Variants in RGS6 observed in about 807,000 individuals in gnomAD.
RGS6 encodes the protein regulator of G-protein signaling 6.
RGS6 carries 30 observed loss-of-function variants against 78.5 expected under a neutral mutation model. The observed-to-expected ratio is 0.38, with a 90% CI of 0.29 to 0.52. The LOEUF (loss-of-function observed/expected upper bound fraction) is 0.52, where lower values mean the gene tolerates loss of function less well. RGS6 is among the 20% of genes least tolerant of loss of function. The probability of loss-of-function intolerance (pLI) is 0.85; values close to 1 mark genes in which losing one functional copy is unlikely to be tolerated. For synonymous variants in RGS6, 206 were observed against 206.0 expected, an observed-to-expected ratio of 1.00 and a Z score of 0.00; for missense variants, 495 against 609.7, an observed-to-expected ratio of 0.81 and a Z score of 1.98.
At chr14:72,477,827 C>A (rs898991650) in intron 11 of RGS6, among the ~76,000 whole-genome samples, 95 of 150,360 alleles carry the variant, frequency 6.3e-4, no homozygotes, top group African/African-American at 1.2e-3. Context: ...GAAAAAAAAA[C>A]CACACAGAAA....
Position 72,162,658 on chromosome 14 carries a change from G to A in RGS6, c.85-189437G>A, listed in dbSNP as rs149500442. On this transcript the variant is annotated intron_variant, in intron 2 of 17. Transcript: ENST00000553525. ...CATAACTACTGGGTATCTACCGAGA[G>A]GAAAAGAAGTCATTATACGAAAAAG... Among the ~76,000 whole-genome samples the A allele has an allele frequency of 6.6e-3, 1,008 of 152,154 alleles. 32 individuals are homozygous for A. Among genetic ancestry groups the A allele is most frequent in the Admixed American group, 0.059 (898 of 15,268 alleles).
chr14:71,926,394 G>A, the RGS6 span, among the ~76,000 whole-genome samples: 5 of 152,242 alleles, frequency 3.3e-5, no homozygotes, highest in Admixed American at 2.6e-4. Flanking sequence ...GACCAGCCTG[G>A]CCAACATGGC....
At chr14:72,575,495 A>G in the RGS6 span, among the ~76,000 whole-genome samples, 1 of 152,186 alleles carries the variant, frequency 6.6e-6, no homozygotes, top group Non-Finnish European at 1.5e-5. Flanking sequence ...GCTCTTGGAC[A>G]GAGTTCATAG....
intron 2 of RGS6, among the ~76,000 whole-genome samples, chr14:72,321,355 T>C (rs1473853439): frequency 1.3e-5 from 2 of 151,890 alleles, no homozygotes; most frequent in Non-Finnish European, 2.9e-5. Context: ...AGACCAAACC[T>C]GTTTCTCATA....
intron 3 of RGS6, among the ~76,000 whole-genome samples, chr14:72,428,633 C>A (rs1283581526): frequency 6.6e-6 from 1 of 152,182 alleles, no homozygotes; most frequent in African/African-American, 2.4e-5. Context: ...CTTGTGATGG[C>A]TCCTGTAGCC....
chr14:72,457,591 C>T (rs1733637948), intron 4 of RGS6, among the ~76,000 whole-genome samples: 1 of 152,052 alleles, frequency 6.6e-6, no homozygotes, highest in Non-Finnish European at 1.5e-5. Flanking sequence ...CCTATATTCT[C>T]AACTTTCTAT....
intron 2 of RGS6, among the ~76,000 whole-genome samples, chr14:72,124,672 G>C (rs1372693626): frequency 6.6e-6 from 1 of 152,150 alleles, no homozygotes; most frequent in Non-Finnish European, 1.5e-5. Flanking sequence ...CATTATTATA[G>C]CTATAGAAAT....
intron 12 of RGS6, among the ~76,000 whole-genome samples, chr14:72,484,181 G>A (rs2096442636): frequency 6.6e-6 from 1 of 152,122 alleles, no homozygotes; most frequent in Non-Finnish European, 1.5e-5. Context: ...CCAATTCCAG[G>A]TCTTCTCATG....
intron 2 of RGS6, among the ~76,000 whole-genome samples, chr14:72,329,870 C>A (rs1332899692): frequency 6.6e-6 from 1 of 152,172 alleles, no homozygotes; most frequent in Admixed American, 6.5e-5. Context: ...CGGGAGACAT[C>A]ACAGGGCAGC....
chr14:72,465,045 G>C (rs3819547), intron 6 of RGS6, among the ~76,000 whole-genome samples: 13,235 of 152,244 alleles, frequency 0.087, 618 homozygotes, highest in Middle Eastern at 0.13. Context: ...AGATTAGTAA[G>C]AGGTTGCCAG....
intron 2 of RGS6, among the ~76,000 whole-genome samples, chr14:71,993,619 T>C (rs995053422): frequency 6.6e-6 from 1 of 152,174 alleles, no homozygotes; most frequent in Non-Finnish European, 1.5e-5. Context: ...TAGTGGAGTT[T>C]GACCTTGACC....
chr14:72,571,100 G>A (rs2097719731), downstream of RGS6, among the ~76,000 whole-genome samples: 1 of 152,160 alleles, frequency 6.6e-6, no homozygotes, highest in Non-Finnish European at 1.5e-5. Flanking sequence ...CTTTTCCTAT[G>A]TAAACTGAAT....
At chr14:71,914,077 G>A in the RGS6 span, among the ~76,000 whole-genome samples, 661 of 152,290 alleles carry the variant, frequency 4.3e-3, 8 homozygotes, top group African/African-American at 0.015. Flanking sequence ...GTTAGGGCAG[G>A]CTTTGGGCAT....
At chr14:72,209,114 G>A (rs189149316) in intron 2 of RGS6, among the ~76,000 whole-genome samples, 60 of 152,218 alleles carry the variant, frequency 3.9e-4, no homozygotes, top group African/African-American at 1.3e-3. Context: ...GGTGGCACAC[G>A]ACTGTGGTCC....
chr14:71,871,715 A>G, the RGS6 span, among the ~76,000 whole-genome samples: 7 of 152,192 alleles, frequency 4.6e-5, no homozygotes, highest in African/African-American at 1.7e-4. Context: ...TCAGGTTCAG[A>G]CTATCCCTCT....
intron 3 of RGS6, among the ~76,000 whole-genome samples, chr14:72,408,764 G>A (rs1166474823): frequency 6.6e-5 from 10 of 152,092 alleles, no homozygotes; most frequent in South Asian, 6.2e-4. Flanking sequence ...TTACATAATC[G>A]GTGCATTTCT....
chr14:71,963,744 TTTTA>T (rs1209859963), intron 1 of RGS6, among the ~76,000 whole-genome samples: 1 of 152,240 alleles, frequency 6.6e-6, no homozygotes, highest in African/African-American at 2.4e-5. Flanking sequence ...GATATACACG[TTTTA>T]TTTATCCATT....
the RGS6 span, among the ~76,000 whole-genome samples, chr14:71,899,854 A>T: frequency 6.6e-6 from 1 of 152,018 alleles, no homozygotes; most frequent in African/African-American, 2.4e-5. Context: ...TTTAAGTTTA[A>T]CAGTTGTATT....
chr14:72,313,435 C>G (rs893485927), intron 2 of RGS6, among the ~76,000 whole-genome samples: 2 of 152,198 alleles, frequency 1.3e-5, no homozygotes, highest in African/African-American at 2.4e-5. Context: ...CAGTAGAGAC[C>G]GCTTGCTTTT....
Sources: allele counts gnomAD v4.1 joint callset (sites outside exome capture counted in the v4.1 genomes callset), GRCh38; gene constraint gnomAD v4.1.1; transcripts MANE v1.5; gene names NCBI Gene and HGNC (gene_info 2026-07-23, HGNC 2026-07-21).